CORIN: variants seen among roughly 807,000 people sequenced by gnomAD.
CORIN encodes the protein atrial natriuretic peptide-converting enzyme.
In CORIN, 117 loss-of-function variants were observed where a neutral mutation model predicts 125.3. The ratio of observed to expected loss-of-function variants is 0.93; its 90% confidence interval spans 0.80 to 1.09. The LOEUF (loss-of-function observed/expected upper bound fraction) is 1.09, where lower values mean the gene tolerates loss of function less well. Ranked by LOEUF, CORIN falls within the 50% of genes least tolerant of loss-of-function variation. The pLI is 0.00. For synonymous variants in CORIN, 450 were observed against 466.4 expected, an observed-to-expected ratio of 0.96 and a Z score of 0.45; for missense variants, 1,253 against 1,306.7, an observed-to-expected ratio of 0.96 and a Z score of 0.63.
At chr4:47,763,695 A>G in intron 3 of CORIN, 109 bp from the exon 4 acceptor site, 1 of 885,472 alleles carries the variant, frequency 1.1e-6, no homozygotes, top group African/African-American at 1.7e-5. Flanking sequence ...ACAAGAAAAA[A>G]TTTAGATATG....
intron 19 of CORIN, among the ~76,000 whole-genome samples, chr4:47,612,315 ATTG>A (rs1480477949): frequency 2.0e-5 from 3 of 152,138 alleles, no homozygotes; most frequent in African/African-American, 7.2e-5. Flanking sequence ...GCTCCAGAAA[ATTG>A]TTGTCATGTT....
At chr4:47,629,370 C>A (rs918009173) in intron 16 of CORIN, among the ~76,000 whole-genome samples, 1 of 152,076 alleles carries the variant, frequency 6.6e-6, no homozygotes, top group Admixed American at 6.6e-5. Flanking sequence ...GGTCCTTAGT[C>A]CACTTTTCAA....
chr4:47,804,736 A>AGGGGGGGGGGGGGGGGGGG (rs1213620706), intron 2 of CORIN, among the ~76,000 whole-genome samples: 22 of 17,548 alleles, frequency 1.3e-3, no homozygotes, highest in South Asian at 2.1e-3. Context: ...GGGGGTGGGG[A>AGGGGGGGGGGGGGGGGGGG]GGGGGGGGGT....
intron 4 of CORIN, among the ~76,000 whole-genome samples, chr4:47,757,896 A>ATG (rs1316684339): frequency 2.8e-5 from 4 of 145,012 alleles, no homozygotes; most frequent in East Asian, 2.0e-4. Flanking sequence ...ATATATATAT[A>ATG]TATATATATA....
intron 12 of CORIN, among the ~76,000 whole-genome samples, chr4:47,655,780 G>A (rs975192098): frequency 2.9e-5 from 4 of 140,030 alleles, no homozygotes; most frequent in Non-Finnish European, 6.2e-5. Context: ...GAACCATAAA[G>A]AAATCCAAAA....
chr4:47,739,662 A>G (rs1010353936), intron 5 of CORIN, among the ~76,000 whole-genome samples: 2 of 150,840 alleles, frequency 1.3e-5, no homozygotes, highest in Non-Finnish European at 3.0e-5. Context: ...AAAGAAATGT[A>G]TTTTTTCTAT....
At chr4:47,804,539 A>C (rs1731681461) in intron 2 of CORIN, among the ~76,000 whole-genome samples, 1 of 152,052 alleles carries the variant, frequency 6.6e-6, no homozygotes, top group South Asian at 2.1e-4. Context: ...AAAGGATTAG[A>C]TACTGTCATT....
At chr4:47,797,677 CTATT>C (rs1019391104) in intron 2 of CORIN, among the ~76,000 whole-genome samples, 7 of 152,084 alleles carry the variant, frequency 4.6e-5, no homozygotes, top group African/African-American at 4.8e-5. Context: ...TATAATATGA[CTATT>C]TATTAAAATA....
Position 47,653,770 on chromosome 4 carries a change from G to A in CORIN, c.1736-110C>T, listed in dbSNP as rs575104744. ...GGAGCTTTTACTGAAGATAAGGGTG[G>A]TCTCTTGCAAAACGAAATAGCCATT... On this transcript the variant is annotated intron_variant, in intron 12 of 21. Transcript: ENST00000273857. The A allele has an allele frequency of 3.0e-4, 279 of 916,016 alleles. 4 individuals carry two copies. In the South Asian group the frequency reaches 4.4e-3, roughly 15 times the overall value. The allele number at this position is 916,016 out of a possible 1,614,324, so 56.7% of individuals were successfully genotyped here. A position where few individuals can be genotyped will look rare whatever the true frequency, so the allele number is the denominator to read the frequency against.
At chr4:47,831,996 A>G (rs1324593278) in intron 1 of CORIN, among the ~76,000 whole-genome samples, 1 of 152,226 alleles carries the variant, frequency 6.6e-6, no homozygotes, top group Non-Finnish European at 1.5e-5. Context: ...TTAGTTTTTA[A>G]GCCTGATTAA....
chr4:47,802,608 A>G (rs953509274), intron 2 of CORIN, among the ~76,000 whole-genome samples: 5 of 152,222 alleles, frequency 3.3e-5, no homozygotes, highest in African/African-American at 1.2e-4. Context: ...ATAGAACACC[A>G]GCTAAAGTTC....
intron 5 of CORIN, among the ~76,000 whole-genome samples, chr4:47,702,090 G>A (rs1047905215): frequency 6.6e-6 from 1 of 152,180 alleles, no homozygotes; most frequent in East Asian, 1.9e-4. Flanking sequence ...TTCCGAATTT[G>A]TTTTAGGAAA....
rs542023170 is a variant in CORIN, at chr4:47,705,400, G to T, written c.800-12317C>A. On this transcript the variant is annotated intron_variant, in intron 5 of 21. Transcript: ENST00000273857. ...ACCTGTTTGGTTTCTTGCTGTGGCTGAAGGACCCAGAAGAGTGACAAGTGT... is the reference window on the plus strand; with the variant it reads ...ACCTGTTTGGTTTCTTGCTGTGGCTTAAGGACCCAGAAGAGTGACAAGTGT... Among the ~76,000 whole-genome samples the T allele has an allele frequency of 4.6e-5, 7 of 152,298 alleles. 1 individual carries two copies. Among genetic ancestry groups the T allele is most frequent in the East Asian group, 1.9e-4 (1 of 5,182 alleles).
At chr4:47,602,845 T>G (rs1721497062) in intron 20 of CORIN, among the ~76,000 whole-genome samples, 2 of 151,886 alleles carry the variant, frequency 1.3e-5, no homozygotes, top group South Asian at 4.2e-4. Flanking sequence ...TAAGAGAAAA[T>G]GGGAAATTAC....
At chr4:47,781,535 A>T (rs993021087) in intron 3 of CORIN, among the ~76,000 whole-genome samples, 1 of 152,262 alleles carries the variant, frequency 6.6e-6, no homozygotes, top group Non-Finnish European at 1.5e-5. Context: ...GCTAAGCTAC[A>T]ATGTTCTATA....
intron 21 of CORIN, among the ~76,000 whole-genome samples, chr4:47,596,535 A>G (rs190294987): frequency 6.6e-6 from 1 of 152,280 alleles, no homozygotes; most frequent in East Asian, 1.9e-4. Context: ...TTCATTCATG[A>G]TATTTAAGGA....
chr4:47,649,412 A>G (rs1490169300), intron 13 of CORIN, among the ~76,000 whole-genome samples: 66 of 152,348 alleles, frequency 4.3e-4, no homozygotes, highest in East Asian at 1.9e-4. Flanking sequence ...GTCAGAAACA[A>G]GACTATGCTA....
intron 5 of CORIN, among the ~76,000 whole-genome samples, chr4:47,736,680 T>C (rs1560526172): frequency 6.6e-6 from 1 of 151,440 alleles, no homozygotes; most frequent in Non-Finnish European, 1.5e-5. Context: ...TTCCCCTCTA[T>C]GTGTCTATGT....
chr4:47,749,901 A>G (rs1471738120), intron 4 of CORIN, among the ~76,000 whole-genome samples: 1 of 152,206 alleles, frequency 6.6e-6, no homozygotes, highest in East Asian at 1.9e-4. Context: ...TTAATGCTGG[A>G]AGGATCTTCC....
Sources: allele counts gnomAD v4.1 joint callset (sites outside exome capture counted in the v4.1 genomes callset), GRCh38; gene constraint gnomAD v4.1.1; transcripts MANE v1.5; gene names NCBI Gene and HGNC (gene_info 2026-07-23, HGNC 2026-07-21).